Variants in MAN1A1 observed in about 807,000 individuals in gnomAD.
The protein encoded by MAN1A1 is mannosidase alpha class 1A member 1.
MAN1A1 carries 29 observed loss-of-function variants against 70.8 expected under a neutral mutation model. That is an observed-to-expected ratio of 0.41 (90% CI 0.31 to 0.56). The LOEUF (loss-of-function observed/expected upper bound fraction) is 0.56, where lower values mean the gene tolerates loss of function less well. Ranked by LOEUF, MAN1A1 falls within the 20% of genes least tolerant of loss-of-function variation. The pLI is 0.29. For missense variants in MAN1A1, 747 were observed against 841.3 expected (o/e 0.89, Z 1.39); for synonymous variants, 349 against 330.1 (o/e 1.06, Z -0.62).
At position 119,349,222 on chromosome 6, in the gene MAN1A1, G is replaced by C; in HGVS notation, c.-157C>G. 1 of 1,214,220 alleles carries C rather than the reference G, an allele frequency of 8.2e-7. No homozygotes were observed. The highest frequency in any genetic ancestry group is 1.0e-6 in the Non-Finnish European group (1 of 977,180). 75.2% of individuals were successfully genotyped at this position (1,214,220 alleles called of 1,614,324 possible). On this transcript the variant is annotated 5_prime_UTR_variant, in exon 2 of 13. Transcript: ENST00000368468. ...CTCCCTGGGGGAACAACTCCGCGCC[G>C]GGTCTTCTCCCCGGGGCGGCTCCTC...
chr6:119,245,500 C>G (rs1775146109), intron 6 of MAN1A1, among the ~76,000 whole-genome samples: 1 of 152,104 alleles, frequency 6.6e-6, no homozygotes, highest in Non-Finnish European at 1.5e-5. Context: ...GCTTCTTGCC[C>G]TACAGGAAAA....
At position 119,215,493 on chromosome 6, in the gene MAN1A1, G is replaced by C. The variant is rs1582703832; in HGVS notation, c.993-10611C>G. Among the ~76,000 whole-genome samples, 4 of 152,294 alleles carry C rather than the reference G, an allele frequency of 2.6e-5. No individual in the cohort carries two copies. In the South Asian group the frequency reaches 8.3e-4, roughly 32 times the overall value. ...AATCTGAAACAGCAGGAGAGAGGCT[G>C]AACTTCAGACTGTTTACACTAGACT... On this transcript the variant is annotated intron_variant, in intron 6 of 12. Transcript: ENST00000368468.
chr6:119,208,341 C>T (rs1222453102), intron 6 of MAN1A1, among the ~76,000 whole-genome samples: 1 of 151,896 alleles, frequency 6.6e-6, no homozygotes, highest in African/African-American at 2.4e-5. Flanking sequence ...TTTCAGTATT[C>T]TATAAAGGTA....
chr6:119,302,676 G>A (rs528987422), intron 3 of MAN1A1, among the ~76,000 whole-genome samples: 2 of 152,112 alleles, frequency 1.3e-5, no homozygotes, highest in African/African-American at 4.8e-5. Flanking sequence ...CACCATACCC[G>A]GCCTGTGATT....
At chr6:119,285,380 T>C (rs1403103919) in intron 5 of MAN1A1, among the ~76,000 whole-genome samples, 1 of 152,086 alleles carries the variant, frequency 6.6e-6, no homozygotes, top group African/African-American at 2.4e-5. Context: ...TCTGGCCCCA[T>C]GACCCAAACA....
At chr6:119,309,433 T>G (rs1772641484) in intron 2 of MAN1A1, among the ~76,000 whole-genome samples, 1 of 152,210 alleles carries the variant, frequency 6.6e-6, no homozygotes, top group Non-Finnish European at 1.5e-5. Context: ...GATAAAGTCA[T>G]TTAATTTCTC....
chr6:119,346,974 G>A, intron 2 of MAN1A1, among the ~76,000 whole-genome samples: 1 of 152,166 alleles, frequency 6.6e-6, no homozygotes, highest in Non-Finnish European at 1.5e-5. Flanking sequence ...TGGTAGCACA[G>A]GCAGGATTTC....
At chr6:119,199,614 G>C (rs1453040158) in intron 8 of MAN1A1, among the ~76,000 whole-genome samples, 1 of 151,578 alleles carries the variant, frequency 6.6e-6, no homozygotes, top group African/African-American at 2.4e-5. Context: ...ATGCTATTAA[G>C]AATACAATGG....
intron 2 of MAN1A1, among the ~76,000 whole-genome samples, chr6:119,334,313 T>C (rs1007010627): frequency 2.0e-5 from 3 of 152,218 alleles, no homozygotes; most frequent in African/African-American, 2.4e-5. Context: ...AAAGAATATC[T>C]TTCCTTTTAT....
intron 2 of MAN1A1, among the ~76,000 whole-genome samples, chr6:119,311,444 C>G (rs986575055): frequency 2.0e-5 from 3 of 152,114 alleles, no homozygotes; most frequent in African/African-American, 7.2e-5. Context: ...AGGTGTAAGG[C>G]AATGTGGGGT....
chr6:119,296,050 A>T (rs1476152205), intron 4 of MAN1A1, among the ~76,000 whole-genome samples: 1 of 152,212 alleles, frequency 6.6e-6, no homozygotes. Context: ...TTTATAAATG[A>T]TACTTCAAAG....
intron 8 of MAN1A1, among the ~76,000 whole-genome samples, chr6:119,198,557 T>G (rs1773634991): frequency 1.3e-5 from 2 of 152,214 alleles, no homozygotes; most frequent in Non-Finnish European, 2.9e-5. Context: ...TAAAATAATT[T>G]AAAAATATTT....
intron 3 of MAN1A1, among the ~76,000 whole-genome samples, chr6:119,305,976 G>T (rs1181674852): frequency 6.6e-6 from 1 of 151,908 alleles, no homozygotes; most frequent in Non-Finnish European, 1.5e-5. Flanking sequence ...CTATTCTCTG[G>T]GCCTCATTTT....
At chr6:119,234,423 T>C (rs1280303433) in intron 6 of MAN1A1, among the ~76,000 whole-genome samples, 2 of 152,142 alleles carry the variant, frequency 1.3e-5, no homozygotes, top group African/African-American at 4.8e-5. Context: ...AAAAAATTTT[T>C]TTTTTTGAGA....
intron 2 of MAN1A1, among the ~76,000 whole-genome samples, chr6:119,334,664 T>TA (rs1425790524): frequency 4.6e-5 from 7 of 152,244 alleles, no homozygotes; most frequent in Non-Finnish European, 8.8e-5. Flanking sequence ...ATTCTTGTCT[T>TA]AAATGCACTA....
intron 6 of MAN1A1, among the ~76,000 whole-genome samples, chr6:119,214,844 G>A (rs903827212): frequency 2.6e-5 from 4 of 152,090 alleles, no homozygotes; most frequent in African/African-American, 9.7e-5. Context: ...TCATTATTTT[G>A]CCTTTAAGGA....
intron 3 of MAN1A1, among the ~76,000 whole-genome samples, chr6:119,304,127 A>G (rs1772469951): frequency 6.6e-6 from 1 of 152,250 alleles, no homozygotes; most frequent in Non-Finnish European, 1.5e-5. Context: ...TTCAAATGCC[A>G]AGTTAAGAAG....
chr6:119,260,733 C>A (rs1385588220), intron 5 of MAN1A1, among the ~76,000 whole-genome samples: 1 of 152,072 alleles, frequency 6.6e-6, no homozygotes, highest in African/African-American at 2.4e-5. Flanking sequence ...GTGTTATATT[C>A]TTACAGTACT....
chr6:119,248,411 A>C, intron 5 of MAN1A1, 57 bp from the exon 6 acceptor site: 1 of 890,648 alleles, frequency 1.1e-6, no homozygotes, highest in Non-Finnish European at 1.9e-6. Flanking sequence ...AAGATGAACT[A>C]TACTATTATC....
Sources: allele counts gnomAD v4.1 joint callset (sites outside exome capture counted in the v4.1 genomes callset), GRCh38; gene constraint gnomAD v4.1.1; transcripts MANE v1.5; gene names NCBI Gene and HGNC (gene_info 2026-07-23, HGNC 2026-07-21).